The following DAW1 variants were observed in gnomAD, a reference collection of about 807,000 sequenced individuals.
The protein encoded by DAW1 is dynein assembly factor with WD repeat domains 1.
DAW1 carries 47 observed loss-of-function variants against 56.5 expected under a neutral mutation model. The ratio of observed to expected loss-of-function variants is 0.83; its 90% CI spans 0.66 to 1.06. The LOEUF is 1.06. Ranked by LOEUF, DAW1 falls within the 50% of genes least tolerant of loss-of-function variation. The probability of loss-of-function intolerance (pLI) is 0.00; values close to 1 mark genes in which losing one functional copy is unlikely to be tolerated. For synonymous variants in DAW1, 190 were observed against 179.0 expected (o/e 1.06, Z -0.49); for missense variants, 505 against 499.3 (o/e 1.01, Z -0.11).
chr2:227,892,120 C>A (rs539017666), intron 4 of DAW1, among the ~76,000 whole-genome samples: 1 of 151,348 alleles, frequency 6.6e-6, no homozygotes, highest in East Asian at 1.9e-4. Flanking sequence ...GCGGCATGAT[C>A]TCATCCTAAC....
intron 5 of DAW1, chr2:227,895,398 A>T (rs1691383272): frequency 6.6e-6 from 1 of 152,258 alleles, no homozygotes; most frequent in Non-Finnish European, 1.5e-5. Context: ...TGGTTCTATA[A>T]ATATGGTTCA....
intron 10 of DAW1, among the ~76,000 whole-genome samples, chr2:227,909,217 A>G (rs1488839619): frequency 7.0e-6 from 1 of 141,996 alleles, no homozygotes; most frequent in Non-Finnish European, 1.5e-5. Context: ...CACCACCTTT[A>G]GAAAGGTGGT....
chr2:227,901,964 T>G (rs1221688329), intron 6 of DAW1, among the ~76,000 whole-genome samples: 2 of 151,882 alleles, frequency 1.3e-5, no homozygotes, highest in African/African-American at 4.8e-5. Flanking sequence ...CATCCGAGAC[T>G]GAGGGGAAGG....
chr2:227,917,466 T>G (rs1421960024), intron 10 of DAW1, among the ~76,000 whole-genome samples: 2 of 152,084 alleles, frequency 1.3e-5, no homozygotes, highest in Non-Finnish European at 2.9e-5. Flanking sequence ...TTCACCGTGT[T>G]AGCCAGGATG....
intron 10 of DAW1, among the ~76,000 whole-genome samples, chr2:227,916,168 A>C (rs561866028): frequency 6.6e-6 from 1 of 152,244 alleles, no homozygotes; most frequent in East Asian, 1.9e-4. Context: ...TATATCTAAT[A>C]TGTAATCATC....
At chr2:227,888,185 C>A (rs1252995985) in intron 2 of DAW1, among the ~76,000 whole-genome samples, 1 of 152,170 alleles carries the variant, frequency 6.6e-6, no homozygotes, top group Non-Finnish European at 1.5e-5. Flanking sequence ...AGTGCTAAAG[C>A]AATAGTACCA....
intron 1 of DAW1, among the ~76,000 whole-genome samples, chr2:227,880,388 T>C (rs1391161599): frequency 6.6e-6 from 1 of 152,048 alleles, no homozygotes; most frequent in African/African-American, 2.4e-5. Context: ...AGTCTTTTTT[T>C]TTTTTTTTTA....
intron 10 of DAW1, among the ~76,000 whole-genome samples, chr2:227,909,242 ATC>A (rs1691760677): frequency 7.6e-6 from 1 of 132,288 alleles, no homozygotes; most frequent in South Asian, 2.4e-4. Context: ...TTATCTATCT[ATC>A]TATCTATCTA....
chr2:227,878,396 AG>A (rs1690935507), intron 1 of DAW1, among the ~76,000 whole-genome samples: 1 of 152,190 alleles, frequency 6.6e-6, no homozygotes, highest in Non-Finnish European at 1.5e-5. Context: ...ATAGCTTTTT[AG>A]GGATCTTGAT....
In DAW1 at chr2:227,923,888, GAATGA is replaced by G. The variant is rs757172551; in HGVS notation, c.1214-39_1214-35del. 13 of 1,605,744 alleles carry G rather than the reference GAATGA, an allele frequency of 8.1e-6. 2 individuals carry two copies. The Middle Eastern group carries it at 9.9e-4, about 123-fold the overall frequency. On this transcript the variant is annotated intron_variant, in intron 12 of 12. Transcript: ENST00000309931. The stretch of plus-strand genomic sequence containing the variant: ...AACTTGTAGAAAGAGAGAATGAGGT[GAATGA>G]AATGAAGAAAAAAATAACTGCATGA...
intron 10 of DAW1, among the ~76,000 whole-genome samples, chr2:227,909,054 G>A (rs1292029243): frequency 6.6e-6 from 1 of 151,914 alleles, no homozygotes; most frequent in African/African-American, 2.4e-5. Context: ...TTATAATAAT[G>A]TATGATACTA....
chr2:227,924,147 C>A lies in DAW1; in HGVS notation c.*179C>A. 1.5e-6 allele frequency: 1 copy of A among 686,582 alleles called. No homozygotes were observed. The highest frequency in any genetic ancestry group is 2.1e-5 in the South Asian group (1 of 48,498). 42.5% of individuals were successfully genotyped at this position (686,582 alleles called of 1,614,324 possible). ...TTAAACATGACAAAGTTATGCCACT[C>A]CAATATTATTATTTGATGGCGATGG... On this transcript the variant is annotated 3_prime_UTR_variant, in exon 13 of 13. Coordinates refer to ENST00000309931, the MANE Select transcript of DAW1 (RefSeq NM_178821.3).
chr2:227,898,460 A>G (rs1691463854), intron 6 of DAW1, among the ~76,000 whole-genome samples, 179 bp downstream of exon 6: 1 of 151,846 alleles, frequency 6.6e-6, no homozygotes, highest in African/African-American at 2.4e-5. Context: ...AGCTGGGACT[A>G]CGGGCGCCCG....
chr2:227,886,731 C>T (rs1691139217), intron 2 of DAW1, among the ~76,000 whole-genome samples: 1 of 152,172 alleles, frequency 6.6e-6, no homozygotes, highest in Non-Finnish European at 1.5e-5. Flanking sequence ...AGGATCACTT[C>T]AGGCTAGGAG....
chr2:227,885,895 G>A (rs898384274), intron 2 of DAW1, among the ~76,000 whole-genome samples: 1 of 151,376 alleles, frequency 6.6e-6, no homozygotes, highest in Admixed American at 6.6e-5. Context: ...GCCATCATGT[G>A]TCCTTAAGCT....
chr2:227,909,421 A>G (rs1458489742), intron 10 of DAW1, among the ~76,000 whole-genome samples: 2 of 148,756 alleles, frequency 1.3e-5, no homozygotes, highest in African/African-American at 4.9e-5. Flanking sequence ...TTTATAGTAT[A>G]TATAGTATAT....
At chr2:227,922,629 A>G (rs888164655) in intron 12 of DAW1, among the ~76,000 whole-genome samples, 4 of 152,214 alleles carry the variant, frequency 2.6e-5, no homozygotes, top group Non-Finnish European at 5.9e-5. Flanking sequence ...ATATTGGCCA[A>G]TTAGGTGGTT....
chr2:227,905,015 G>A lies in DAW1; in HGVS notation c.735G>A (p.Val245=), dbSNP rs1691646126. 1.2e-6 allele frequency: 2 copies of A among 1,613,030 alleles called. No individual in the cohort carries two copies. The highest frequency in any genetic ancestry group is 1.7e-6 in the Non-Finnish European group (2 of 1,179,426). The change falls in exon 8 of 13, where the codon GTG becomes GTA. Residue 245 remains valine (V), a synonymous_variant. Coordinates refer to ENST00000309931, the MANE Select transcript of DAW1 (RefSeq NM_178821.3). ...ITGSFDHTVV[V]WDADTGRKVN... is the part of the protein sequence containing the mutation. ...GGTCTTTTGATCATACCGTTGTAGT[G>A]TGGGACGCTGATACTGGAAGGTAAT...
At chr2:227,878,869 T>A (rs1690946842) in intron 1 of DAW1, among the ~76,000 whole-genome samples, 1 of 151,270 alleles carries the variant, frequency 6.6e-6, no homozygotes, top group African/African-American at 2.4e-5. Context: ...CTCATTGCAA[T>A]GTCTGCCTCC....
Sources: gnomAD v4.1 joint callset for allele counts (sites outside exome capture counted in the v4.1 genomes callset) on GRCh38, gnomAD v4.1.1 for gene constraint, MANE v1.5 for transcripts, NCBI Gene and HGNC (gene_info 2026-07-23, HGNC 2026-07-21) for gene names.